Variants in BAIAP3 observed in about 807,000 individuals in gnomAD.
BAIAP3 encodes BAI1 associated protein 3.
A neutral mutation model predicts 149.7 loss-of-function variants in BAIAP3; 180 were observed. The observed-to-expected ratio is 1.20, with a 90% CI of 1.07 to 1.36. The LOEUF (loss-of-function observed/expected upper bound fraction) is 1.36. Among genes scored for constraint, BAIAP3 ranks in the 40% most tolerant of loss-of-function variants. The pLI is 0.00. For missense variants in BAIAP3, 1,767 were observed against 1,563.4 expected, an observed-to-expected ratio of 1.13 and a Z score of -2.20; for synonymous variants, 845 against 670.7, an observed-to-expected ratio of 1.26 and a Z score of -4.02.
intron 5 of BAIAP3, among the ~76,000 whole-genome samples, chr16:1,340,343 GAC>G (rs1156741527): frequency 2.8e-5 from 3 of 108,540 alleles, no homozygotes; most frequent in Admixed American, 9.8e-5. Context: ...GGTGCACACA[GAC>G]ACACGCACAC....
In BAIAP3 at chr16:1,348,452, G is replaced by A; in HGVS notation, c.3429G>A (p.Glu1143=). 6.2e-7 allele frequency: 1 copy of A among 1,612,222 alleles called. No homozygotes were observed. The highest frequency in any genetic ancestry group is 8.5e-7 in the Non-Finnish European group (1 of 1,179,680). Residue 1143 remains glutamate, a synonymous_variant, in exon 34 of 34, where the codon GAG becomes GAA. Transcript: ENST00000426824. ...EAQEFVKKLK[E]LEKCMEADP is the part of the protein sequence containing the mutation. ...AGGAGTTCGTGAAGAAACTCAAGGA[G>A]CTGGAGAAGTGCATGGAGGCGGACC...
Position 1,342,654 on chromosome 16 carries a change from C to T in BAIAP3, c.1065+20C>T, listed in dbSNP as rs368944747. ...ACGCAGGTGGGGAAAGTGGGCGTCC[C>T]CGTCCTCCACCCCCGTCCTTGGGGC... On this transcript the variant is annotated intron_variant, in intron 12 of 33. Coordinates refer to ENST00000426824, the MANE Select transcript of BAIAP3 (RefSeq NM_001199097.2). 28 of 1,604,184 alleles carry T rather than the reference C, an allele frequency of 1.7e-5. No individual in the cohort carries two copies. Among genetic ancestry groups the T allele is most frequent in the Non-Finnish European group, 2.1e-5 (25 of 1,176,228 alleles).
chr16:1,346,568 T>C, intron 26 of BAIAP3, 37 bp from the exon 27 acceptor site: 1 of 1,572,354 alleles, frequency 6.4e-7, no homozygotes, highest in Non-Finnish European at 8.6e-7. Context: ...AGGGCAGAGG[T>C]GCGGGGTAAG....
At chr16:1,346,753 G>T in intron 27 of BAIAP3, 69 bp downstream of exon 27, 1 of 1,524,920 alleles carries the variant, frequency 6.6e-7, no homozygotes, top group African/African-American at 1.4e-5. Context: ...CAGGGTGCCG[G>T]AGGCCCTGTG....
rs775054348 is a variant in BAIAP3 at position 1,342,756 on chromosome 16, TC to T, written c.1105del (p.Leu369CysfsTer135). 1 of 1,612,544 alleles carries T rather than the reference TC, an allele frequency of 6.2e-7. No homozygotes were observed. The highest frequency in any genetic ancestry group is 1.1e-5 in the South Asian group (1 of 91,066). Reference protein sequence around the residue: ...TAMSQRGRSGFLSHLLLLSHL... With the variant: ...TAMSQRGRSGXLSHLLLLSHL... The stretch of plus-strand genomic sequence containing the variant: ...ATGAGCCAGCGCGGGCGATCCGGCT[TC>T]CTGTCCCACCTGCTGCTGCTCAGCC... On this transcript the variant is annotated frameshift_variant, in exon 13 of 34. Transcript: ENST00000426824. LOFTEE classifies it high-confidence loss of function.
rs1217043390 is a variant in BAIAP3, at chr16:1,348,700, A to G, written c.*218A>G. On this transcript the variant is annotated 3_prime_UTR_variant, in exon 34 of 34. Coordinates refer to ENST00000426824, the MANE Select transcript of BAIAP3 (RefSeq NM_001199097.2). ...ACCCAACCCCACATCTGGGTGGCCA[A>G]CTTGGCAGGACTTGGCCAGCAGCTG... The G allele has an allele frequency of 2.5e-5, 15 of 594,874 alleles. No individual in the cohort carries two copies. The highest frequency in any genetic ancestry group is 9.9e-5 in the South Asian group (5 of 50,412). 36.8% of individuals were successfully genotyped at this position (594,874 alleles called of 1,614,324 possible).
At position 1,345,288 on chromosome 16, in the gene BAIAP3, C is replaced by A. The variant is rs764267117; in HGVS notation, c.1980C>A (p.Pro660=). 1 of 1,613,070 alleles carries A rather than the reference C, an allele frequency of 6.2e-7. No individual in the cohort carries two copies. Among genetic ancestry groups the A allele is most frequent in the Non-Finnish European group, 8.5e-7 (1 of 1,179,938 alleles). ...TGGCCCTGGCTGGCATCCACGCCCC[C>A]TTCCTGCCTGCTGTGAAGCTCTGGT... ...RSLALAGIHA[P]FLPAVKLWFQ... The change falls in exon 22 of 34, where the codon CCC becomes CCA. Residue 660 remains proline (P), a synonymous_variant. Transcript: ENST00000426824.
chr16:1,347,186 C>A, intron 28 of BAIAP3, 112 bp from the exon 29 acceptor site: 1 of 1,154,088 alleles, frequency 8.7e-7, no homozygotes. Context: ...AGGGCTCTGC[C>A]CTTGGCTGCT....
At chr16:1,334,742 C>T in intron 1 of BAIAP3, 1 of 1,552,270 alleles carries the variant, frequency 6.4e-7, no homozygotes, top group Non-Finnish European at 8.7e-7. Context: ...TCGCAGGGGC[C>T]ATCTGGAGGA....
chr16:1,343,981 C>T, intron 15 of BAIAP3, 41 bp from the exon 16 acceptor site: 2 of 1,608,082 alleles, frequency 1.2e-6, no homozygotes, highest in Non-Finnish European at 1.7e-6. Flanking sequence ...TCATCAGTGG[C>T]CGGTCGGGGC....
intron 6 of BAIAP3, 26 bp from the exon 7 acceptor site, chr16:1,341,102 AG>A: frequency 6.2e-7 from 1 of 1,610,638 alleles, no homozygotes; most frequent in Non-Finnish European, 8.5e-7. Context: ...CAGCCTCACC[AG>A]GCCCCCCACG....
Position 1,347,754 on chromosome 16 carries a change from G to C in BAIAP3, c.2958G>C (p.Glu986Asp), listed in dbSNP as rs766033341. The change falls in exon 31 of 34, where the codon GAG becomes GAC. Residue 986 changes from glutamate (E) to aspartate (D), a missense_variant. Glu to Asp is a conservative substitution (Grantham distance 45). Coordinates refer to ENST00000426824, the MANE Select transcript of BAIAP3 (RefSeq NM_001199097.2). ...FGRLSVRCHY[E>D]AAEQRLAVEV... ...GCCTGAGCGTCCGTTGCCATTACGA[G>C]GCGGCTGAGCAGCGGCTGGCCGTGG... The C allele has an allele frequency of 1.2e-6, 2 of 1,609,928 alleles. No individual in the cohort carries two copies. Among genetic ancestry groups the C allele is most frequent in the East Asian group, 4.5e-5 (2 of 44,768 alleles).
intron 5 of BAIAP3, among the ~76,000 whole-genome samples, chr16:1,340,018 A>G (rs1461165305): frequency 7.3e-6 from 1 of 136,996 alleles, no homozygotes; most frequent in Non-Finnish European, 1.5e-5. Flanking sequence ...CACAGGCTGC[A>G]GGTGCACACA....
intron 1 of BAIAP3, among the ~76,000 whole-genome samples, 165 bp downstream of exon 1, chr16:1,333,914 C>T (rs2033290202): frequency 6.6e-6 from 1 of 152,158 alleles, no homozygotes; most frequent in Middle Eastern, 3.4e-3. Context: ...TCGACGTCCC[C>T]TCGGCCCTGG....
chr16:1,341,065 G>A (rs772751301), intron 6 of BAIAP3, 64 bp from the exon 7 acceptor site: 79 of 1,611,040 alleles, frequency 4.9e-5, no homozygotes, highest in Non-Finnish European at 6.2e-5. Context: ...TCACCTCCAT[G>A]CTAAGTAGGG....
intron 5 of BAIAP3, 93 bp downstream of exon 5, chr16:1,339,696 G>A: frequency 3.0e-6 from 3 of 1,013,220 alleles, no homozygotes; most frequent in East Asian, 5.2e-5. Context: ...CAAACAGTAT[G>A]CAGAATCTCC....
chr16:1,338,356 C>A (rs1452273979), intron 1 of BAIAP3, among the ~76,000 whole-genome samples, 184 bp from the exon 2 acceptor site: 1 of 152,142 alleles, frequency 6.6e-6, no homozygotes, highest in Non-Finnish European at 1.5e-5. Context: ...GCCGGTCACC[C>A]AGCAGGTGTG....
At chr16:1,342,123 G>T (rs770096743) in intron 10 of BAIAP3, 58 bp from the exon 11 acceptor site, 1 of 1,567,592 alleles carries the variant, frequency 6.4e-7, no homozygotes, top group East Asian at 2.3e-5. Context: ...CATGGGGCCC[G>T]GCGGGCAGTG....
In BAIAP3 at chr16:1,341,809, G is replaced by A. The variant is rs868176500; in HGVS notation, c.732-13G>A. 2 of 1,611,886 alleles carry A rather than the reference G, an allele frequency of 1.2e-6. No homozygotes were observed. Among genetic ancestry groups the A allele is most frequent in the African/African-American group, 2.7e-5 (2 of 74,912 alleles). ...GCCGGGGACCCTCATGGGCATCTCTGTTCTCCTTGTAGCGAGATTGAGGAT... is the reference window on the plus strand; with the variant it reads ...GCCGGGGACCCTCATGGGCATCTCTATTCTCCTTGTAGCGAGATTGAGGAT... On this transcript the variant is annotated splice_polypyrimidine_tract_variant and intron_variant, in intron 8 of 33. Transcript: ENST00000426824.
Sources: gnomAD v4.1 joint callset for allele counts (sites outside exome capture counted in the v4.1 genomes callset) on GRCh38, gnomAD v4.1.1 for gene constraint, MANE v1.5 for transcripts, NCBI Gene and HGNC (gene_info 2026-07-23, HGNC 2026-07-21) for gene names.